RAB38: variants seen among roughly 807,000 people sequenced by gnomAD.
RAB38 encodes ras-related protein Rab-38.
RAB38 carries 15 observed loss-of-function variants against 18.4 expected under a neutral mutation model. That is an observed-to-expected ratio of 0.82 (90% confidence interval 0.55 to 1.26). RAB38 has a LOEUF of 1.26. Ranked by LOEUF, RAB38 falls within the 50% of genes most tolerant of loss-of-function variation. The probability of loss-of-function intolerance (pLI) is 0.00; values close to 1 mark genes in which losing one functional copy is unlikely to be tolerated. For missense variants in RAB38, 294 were observed against 267.4 expected, an observed-to-expected ratio of 1.10 and a Z score of -0.69; for synonymous variants, 101 against 104.4, an observed-to-expected ratio of 0.97 and a Z score of 0.20.
intron 2 of RAB38, among the ~76,000 whole-genome samples, chr11:88,148,854 A>T (rs1445168403): frequency 1.3e-5 from 2 of 152,182 alleles, no homozygotes; most frequent in Non-Finnish European, 2.9e-5. Flanking sequence ...ATCAAAAGCA[A>T]AAATGGTTAT....
chr11:87,838,472 AG>A, the RAB38 span, among the ~76,000 whole-genome samples: 1 of 152,214 alleles, frequency 6.6e-6, no homozygotes, highest in Non-Finnish European at 1.5e-5. Flanking sequence ...ACTTTTTAAC[AG>A]AAATCATTCT....
the RAB38 span, among the ~76,000 whole-genome samples, chr11:87,822,941 T>C: frequency 1.3e-5 from 2 of 152,122 alleles, no homozygotes; most frequent in African/African-American, 4.8e-5. Context: ...CAAAAAGCAT[T>C]ACCAAAATTA....
At chr11:87,882,796 C>T in the RAB38 span, among the ~76,000 whole-genome samples, 1 of 151,686 alleles carries the variant, frequency 6.6e-6, no homozygotes, top group Non-Finnish European at 1.5e-5. Flanking sequence ...AACCTATTTT[C>T]TTAAGGAGAA....
chr11:87,907,957 G>A, the RAB38 span, among the ~76,000 whole-genome samples: 68 of 151,756 alleles, frequency 4.5e-4, no homozygotes, highest in Admixed American at 4.2e-3. Flanking sequence ...TATACTATTA[G>A]AAAATGATGT....
the RAB38 span, among the ~76,000 whole-genome samples, chr11:87,924,082 T>C: frequency 6.6e-6 from 1 of 151,920 alleles, no homozygotes; most frequent in African/African-American, 2.4e-5. Flanking sequence ...GGCATTGTTC[T>C]AAGTTCTTTG....
chr11:88,026,517 C>T, the RAB38 span, among the ~76,000 whole-genome samples: 7 of 139,598 alleles, frequency 5.0e-5, no homozygotes, highest in African/African-American at 8.2e-5. Flanking sequence ...GAGCCAAGAT[C>T]GCTCCACTGC....
At chr11:87,889,523 T>A in the RAB38 span, among the ~76,000 whole-genome samples, 1 of 152,022 alleles carries the variant, frequency 6.6e-6, no homozygotes, top group Non-Finnish European at 1.5e-5. Context: ...TGATCAGTAA[T>A]AATAATGATA....
intron 1 of RAB38, chr11:88,165,538 T>A (rs1306609138): frequency 1.3e-5 from 2 of 152,166 alleles, no homozygotes; most frequent in Non-Finnish European, 2.9e-5. Flanking sequence ...CAATAAGTTT[T>A]CATTACTCTT....
chr11:88,024,708 TTC>T, the RAB38 span, among the ~76,000 whole-genome samples: 1 of 152,108 alleles, frequency 6.6e-6, no homozygotes, highest in Non-Finnish European at 1.5e-5. Flanking sequence ...AAGAATGAAA[TTC>T]TGTCATTTGC....
At chr11:88,119,883 A>G (rs1416239717) in intron 2 of RAB38, among the ~76,000 whole-genome samples, 1 of 152,174 alleles carries the variant, frequency 6.6e-6, no homozygotes, top group Non-Finnish European at 1.5e-5. Flanking sequence ...CACTGTACAA[A>G]AAGTATTACA....
At chr11:87,829,286 C>A in the RAB38 span, among the ~76,000 whole-genome samples, 29 of 152,152 alleles carry the variant, frequency 1.9e-4, no homozygotes, top group Non-Finnish European at 2.9e-5. Flanking sequence ...TAGCATTAAG[C>A]AATATACCCA....
At chr11:88,116,212 C>T (rs1425275321) in intron 2 of RAB38, among the ~76,000 whole-genome samples, 1 of 152,170 alleles carries the variant, frequency 6.6e-6, no homozygotes, top group East Asian at 1.9e-4. Flanking sequence ...CTGCCACTTG[C>T]TATGTGACTG....
chr11:88,016,457 G>A, the RAB38 span, among the ~76,000 whole-genome samples: 12 of 152,098 alleles, frequency 7.9e-5, no homozygotes, highest in African/African-American at 2.9e-4. Context: ...ATTTTTGCTT[G>A]TGGTGAAAGG....
chr11:87,831,113 T>A, the RAB38 span, among the ~76,000 whole-genome samples: 1 of 152,104 alleles, frequency 6.6e-6, no homozygotes, highest in Admixed American at 6.5e-5. Flanking sequence ...AGCTGGAAAT[T>A]ACGTTTTAGA....
At chr11:87,860,034 C>T in the RAB38 span, among the ~76,000 whole-genome samples, 2 of 151,940 alleles carry the variant, frequency 1.3e-5, no homozygotes, top group Admixed American at 1.3e-4. Context: ...TCATGCTCCT[C>T]CCTAACTGGG....
At chr11:87,970,035 G>A in the RAB38 span, among the ~76,000 whole-genome samples, 5 of 152,018 alleles carry the variant, frequency 3.3e-5, no homozygotes, top group East Asian at 7.7e-4. Context: ...GACCAATGAC[G>A]GCAGAATCAA....
chr11:88,091,021 G>A, the RAB38 span, among the ~76,000 whole-genome samples: 1 of 151,924 alleles, frequency 6.6e-6, no homozygotes, highest in African/African-American at 2.4e-5. Flanking sequence ...ATACATTTTA[G>A]AACTGAAAAT....
At chr11:87,923,429 A>G in the RAB38 span, among the ~76,000 whole-genome samples, 1 of 151,882 alleles carries the variant, frequency 6.6e-6, no homozygotes, top group East Asian at 1.9e-4. Flanking sequence ...TAATTTATTT[A>G]TTTATTTTGT....
chr11:87,854,665 T>C, the RAB38 span, among the ~76,000 whole-genome samples: 55 of 152,244 alleles, frequency 3.6e-4, 2 homozygotes, highest in South Asian at 0.011. Flanking sequence ...AACACCAGAA[T>C]TAATAAAAAT....
Sources: allele counts gnomAD v4.1 joint callset (sites outside exome capture counted in the v4.1 genomes callset), GRCh38; gene constraint gnomAD v4.1.1; transcripts MANE v1.5; gene names NCBI Gene and HGNC (gene_info 2026-07-23, HGNC 2026-07-21).